Variants in ZNF385D observed in about 807,000 individuals in gnomAD.
ZNF385D encodes zinc finger protein 385D.
In ZNF385D, 15 loss-of-function variants were observed where a neutral mutation model predicts 35.8. That is an observed-to-expected ratio of 0.42 (90% CI 0.28 to 0.64). The LOEUF is 0.64. ZNF385D is among the 30% of genes least tolerant of loss of function. The probability of loss-of-function intolerance (pLI) is 0.23; values close to 1 mark genes in which losing one functional copy is unlikely to be tolerated. For synonymous variants in ZNF385D, 212 were observed against 186.8 expected, an observed-to-expected ratio of 1.13 and a Z score of -1.10; for missense variants, 474 against 494.6, an observed-to-expected ratio of 0.96 and a Z score of 0.39.
intron 3 of ZNF385D, among the ~76,000 whole-genome samples, chr3:21,841,931 T>A (rs1408395983): frequency 6.6e-6 from 1 of 151,648 alleles, no homozygotes; most frequent in African/African-American, 2.4e-5. Context: ...TATACACATA[T>A]ATACATATAT....
chr3:22,065,419 A>C (rs1295463978), intron 3 of ZNF385D, among the ~76,000 whole-genome samples: 1 of 152,206 alleles, frequency 6.6e-6, no homozygotes, highest in African/African-American at 2.4e-5. Flanking sequence ...TAAAAAACAC[A>C]CAAGATGGAA....
At chr3:22,139,139 A>T (rs749137309) in intron 3 of ZNF385D, among the ~76,000 whole-genome samples, 192 of 152,242 alleles carry the variant, frequency 1.3e-3, no homozygotes, top group Non-Finnish European at 2.4e-3. Context: ...GGATGTGGAG[A>T]AATAGGAACA....
At chr3:21,620,002 A>G (rs2064957756) in intron 2 of ZNF385D, among the ~76,000 whole-genome samples, 1 of 152,126 alleles carries the variant, frequency 6.6e-6, no homozygotes, top group South Asian at 2.1e-4. Context: ...CTGGGTCCCA[A>G]CCATGCATCT....
chr3:22,258,213 C>A (rs1471795652), intron 2 of ZNF385D, among the ~76,000 whole-genome samples: 3 of 151,680 alleles, frequency 2.0e-5, no homozygotes, highest in Non-Finnish European at 4.4e-5. Context: ...ATTTGTTTTG[C>A]AAGGACTGGA....
intron 3 of ZNF385D, among the ~76,000 whole-genome samples, chr3:21,536,661 C>T (rs1048194678): frequency 1.3e-5 from 2 of 151,890 alleles, no homozygotes; most frequent in African/African-American, 4.8e-5. Context: ...AAAATTTTTG[C>T]CCTTATAGAG....
intron 3 of ZNF385D, among the ~76,000 whole-genome samples, chr3:22,065,683 T>C (rs1182612336): frequency 6.6e-6 from 1 of 152,076 alleles, no homozygotes; most frequent in Non-Finnish European, 1.5e-5. Flanking sequence ...AATCTAAAAG[T>C]GTATGTGTGT....
chr3:22,351,309 A>G (rs1416825227), intron 2 of ZNF385D, among the ~76,000 whole-genome samples: 2 of 152,096 alleles, frequency 1.3e-5, no homozygotes, highest in Non-Finnish European at 2.9e-5. Context: ...ATAGCAATAT[A>G]TATCTACCTG....
intron 4 of ZNF385D, among the ~76,000 whole-genome samples, chr3:21,443,974 T>C (rs191759580): frequency 6.9e-4 from 105 of 152,294 alleles, no homozygotes; most frequent in African/African-American, 2.5e-3. Context: ...TTGAACTCAC[T>C]ATGTGCTACA....
At chr3:21,822,905 T>C (rs879286878) in intron 3 of ZNF385D, among the ~76,000 whole-genome samples, 2 of 152,020 alleles carry the variant, frequency 1.3e-5, no homozygotes, top group Non-Finnish European at 2.9e-5. Flanking sequence ...TGTTCAGAGA[T>C]ATGGGCATAT....
intron 2 of ZNF385D, among the ~76,000 whole-genome samples, chr3:22,202,152 A>C (rs1400858023): frequency 6.6e-6 from 1 of 152,086 alleles, no homozygotes; most frequent in Non-Finnish European, 1.5e-5. Context: ...ATGTATTCAT[A>C]GTTAACTATT....
chr3:21,880,022 A>AT (rs891610087), intron 3 of ZNF385D, among the ~76,000 whole-genome samples: 1 of 150,604 alleles, frequency 6.6e-6, no homozygotes, highest in Non-Finnish European at 1.5e-5. Flanking sequence ...AAATGCAATT[A>AT]TTTTTTAAAT....
intron 3 of ZNF385D, among the ~76,000 whole-genome samples, chr3:22,137,060 C>T (rs1243441968): frequency 6.6e-6 from 1 of 152,064 alleles, no homozygotes; most frequent in Non-Finnish European, 1.5e-5. Context: ...AGGATTGAGC[C>T]CCAGTGCCAA....
chr3:22,081,984 G>A (rs890569707), intron 3 of ZNF385D, among the ~76,000 whole-genome samples: 1 of 108,040 alleles, frequency 9.3e-6, no homozygotes, highest in Non-Finnish European at 1.9e-5. Context: ...TGTGGTTGGG[G>A]TTTTCTATTT....
At chr3:22,001,057 G>T (rs906565512) in intron 3 of ZNF385D, among the ~76,000 whole-genome samples, 6 of 151,920 alleles carry the variant, frequency 3.9e-5, no homozygotes, top group African/African-American at 1.4e-4. Flanking sequence ...ACTGCAATGA[G>T]AAACAGTAAG....
At position 21,495,875 on chromosome 3, in the gene ZNF385D, G is replaced by A. The variant is rs191158313; in HGVS notation, c.439+14986C>T. 1.5e-3 allele frequency among the ~76,000 whole-genome samples: 232 copies of A among 152,140 alleles called. No homozygotes were observed. In the South Asian group the frequency reaches 0.016, roughly 11 times the overall value. Reference sequence around the variant, plus strand: ...AAATGATAAACGAGATATGACTACTGACCCCACAGAAATACACAAAACCCT... The same window carrying A: ...AAATGATAAACGAGATATGACTACTAACCCCACAGAAATACACAAAACCCT... On this transcript the variant is annotated intron_variant, in intron 4 of 7. Coordinates refer to ENST00000281523, the MANE Select transcript of ZNF385D (RefSeq NM_024697.3).
chr3:21,733,374 C>T (rs1371605909), intron 1 of ZNF385D, among the ~76,000 whole-genome samples: 1 of 152,058 alleles, frequency 6.6e-6, no homozygotes, highest in Admixed American at 6.5e-5. Flanking sequence ...GGTCTTTTGC[C>T]TCTCCACAGA....
Position 21,820,694 on chromosome 3 carries a change from G to A in ZNF385D, c.326-155666C>T, listed in dbSNP as rs550078295. Among the ~76,000 whole-genome samples the A allele has an allele frequency of 1.0e-3, 154 of 151,508 alleles. 1 individual carries two copies. The highest frequency in any genetic ancestry group is 3.6e-3 in the African/African-American group (150 of 41,426). On this transcript the variant is annotated intron_variant, in intron 3 of 5. Transcript: ENST00000494108. Reference sequence around the variant, plus strand: ...TTAAAAATTTCTCGAAAGAAAAATAGAGGGACTGTATAAATAAGTAATTTC... The same window carrying A: ...TTAAAAATTTCTCGAAAGAAAAATAAAGGGACTGTATAAATAAGTAATTTC...
chr3:22,029,986 TG>T (rs1442611322), intron 3 of ZNF385D, among the ~76,000 whole-genome samples: 15 of 151,896 alleles, frequency 9.9e-5, no homozygotes, highest in Admixed American at 5.9e-4. Context: ...GTCAGTGGGC[TG>T]GGGAAGGCAG....
intron 3 of ZNF385D, among the ~76,000 whole-genome samples, chr3:22,065,221 G>A (rs75877368): frequency 0.033 from 5,078 of 152,246 alleles, 151 homozygotes; most frequent in East Asian, 0.11. Context: ...TCTCCTCGTA[G>A]GACTGGGCAG....
Sources: allele counts gnomAD v4.1 joint callset (sites outside exome capture counted in the v4.1 genomes callset), GRCh38; gene constraint gnomAD v4.1.1; transcripts MANE v1.5; gene names NCBI Gene and HGNC (gene_info 2026-07-23, HGNC 2026-07-21).